The following TNRC6B variants were observed in gnomAD, a reference collection of about 807,000 sequenced individuals.
The protein encoded by TNRC6B is trinucleotide repeat containing adaptor 6B, also known as trinucleotide repeat-containing gene 6B protein.
In TNRC6B, 52 loss-of-function variants were observed where a neutral mutation model predicts 203.6. The ratio of observed to expected loss-of-function variants is 0.26; its 90% CI spans 0.20 to 0.32. The LOEUF is 0.32. TNRC6B is among the 10% of genes least tolerant of loss of function. The pLI, the probability that TNRC6B is intolerant of heterozygous loss-of-function variation, is 1.00. For missense variants in TNRC6B, 1,923 were observed against 2,286.2 expected (o/e 0.84, Z 3.24); for synonymous variants, 838 against 845.7 (o/e 0.99, Z 0.16).
upstream of TNRC6B, among the ~76,000 whole-genome samples, chr22:40,175,043 A>G (rs929547856): frequency 1.3e-5 from 2 of 152,142 alleles, no homozygotes; most frequent in African/African-American, 4.8e-5. Context: ...TGCATAGAAA[A>G]GATGATGTGG....
At chr22:40,143,186 T>C (rs1463892144) in intron 3 of TNRC6B, among the ~76,000 whole-genome samples, 1 of 152,150 alleles carries the variant, frequency 6.6e-6, no homozygotes, top group Non-Finnish European at 1.5e-5. Flanking sequence ...TCCCAGCATT[T>C]TGGGAGGCCG....
intron 5 of TNRC6B, among the ~76,000 whole-genome samples, 169 bp from the exon 6 acceptor site, chr22:40,269,953 G>A (rs186546203): frequency 1.3e-5 from 2 of 151,388 alleles, no homozygotes; most frequent in African/African-American, 4.8e-5. Flanking sequence ...AATGTGCATC[G>A]GATTTTTTAA....
At chr22:40,050,010 AT>A (rs372384652) in intron 1 of TNRC6B, among the ~76,000 whole-genome samples, 4 of 152,270 alleles carry the variant, frequency 2.6e-5, no homozygotes, top group African/African-American at 9.6e-5. Context: ...TTATTCTATA[AT>A]TTATAATTAT....
Position 40,170,310 on chromosome 22 carries a change from ATTT to A in TNRC6B, c.113+14130_113+14132del, listed in dbSNP as rs1194604951. Among the ~76,000 whole-genome samples the A allele has an allele frequency of 5.2e-4, 57 of 110,052 alleles. 1 individual carries two copies. Among genetic ancestry groups the A allele is most frequent in the African/African-American group, 2.1e-3 (55 of 25,740 alleles). 72.2% of individuals were successfully genotyped at this position (110,052 alleles called of 152,430 possible). On this transcript the variant is annotated intron_variant, in intron 4 of 23. Coordinates refer to the TNRC6B transcript ENST00000301923. ...AAAAAAATATATATATATAATATAT[ATTT>A]TATATATATTATATATATTATATAT...
chr22:40,122,333 A>T (rs1206387440), intron 2 of TNRC6B, among the ~76,000 whole-genome samples: 1 of 152,134 alleles, frequency 6.6e-6, no homozygotes, highest in East Asian at 1.9e-4. Context: ...CACTGCTATT[A>T]TGTGTGCCAC....
At chr22:40,060,232 T>A (rs1161335037) in intron 1 of TNRC6B, among the ~76,000 whole-genome samples, 1 of 151,650 alleles carries the variant, frequency 6.6e-6, no homozygotes. Context: ...TATTTTTTTA[T>A]TTTTTTGACA....
chr22:40,074,813 C>T (rs1036030353), intron 1 of TNRC6B, among the ~76,000 whole-genome samples: 5 of 151,488 alleles, frequency 3.3e-5, no homozygotes, highest in African/African-American at 1.2e-4. Flanking sequence ...AGAAAATTAG[C>T]TGGGCATGGT....
At chr22:40,226,456 C>T (rs926362279) in intron 1 of TNRC6B, among the ~76,000 whole-genome samples, 1 of 152,148 alleles carries the variant, frequency 6.6e-6, no homozygotes, top group African/African-American at 2.4e-5. Flanking sequence ...GCCGTCAGAT[C>T]ACTTGTTTGC....
chr22:40,315,880 C>T (rs933563190), intron 20 of TNRC6B, 62 bp from the exon 21 acceptor site: 2 of 1,300,288 alleles, frequency 1.5e-6, no homozygotes, highest in Non-Finnish European at 2.2e-6. Flanking sequence ...ATCTTTCTCC[C>T]TCATGGCTTT....
intron 1 of TNRC6B, among the ~76,000 whole-genome samples, chr22:40,187,077 A>C (rs1192314581): frequency 6.6e-6 from 1 of 152,264 alleles, no homozygotes; most frequent in African/African-American, 2.4e-5. Flanking sequence ...TTTTAAATTT[A>C]AATTAATTAA....
At chr22:40,274,673 G>A (rs1008173695) in intron 7 of TNRC6B, among the ~76,000 whole-genome samples, 2 of 152,094 alleles carry the variant, frequency 1.3e-5, no homozygotes, top group South Asian at 2.1e-4. Context: ...CGTCCACCTC[G>A]GCCTCCCAAA....
chr22:40,301,394 G>A (rs990360319), intron 15 of TNRC6B, 61 bp downstream of exon 15: 3 of 1,529,680 alleles, frequency 2.0e-6, no homozygotes, highest in African/African-American at 2.7e-5. Flanking sequence ...CCTGTGGTAG[G>A]GGTTGCACCT....
intron 1 of TNRC6B, among the ~76,000 whole-genome samples, chr22:40,079,153 T>C (rs1405869232): frequency 6.6e-6 from 1 of 152,038 alleles, no homozygotes; most frequent in East Asian, 1.9e-4. Flanking sequence ...ACTCAAATGA[T>C]CTGCCTGCAT....
At chr22:40,210,157 C>G (rs994931932) in intron 1 of TNRC6B, among the ~76,000 whole-genome samples, 1 of 152,178 alleles carries the variant, frequency 6.6e-6, no homozygotes, top group African/African-American at 2.4e-5. Context: ...CCCCCAACCC[C>G]CAGGCTGCTA....
chr22:40,291,628 A>G (rs2070870527), intron 12 of TNRC6B, among the ~76,000 whole-genome samples: 1 of 152,172 alleles, frequency 6.6e-6, no homozygotes, highest in South Asian at 2.1e-4. Context: ...GATCATAATG[A>G]TGTTTCATCA....
intron 1 of TNRC6B, among the ~76,000 whole-genome samples, chr22:40,069,748 A>G (rs913407871): frequency 2.0e-5 from 3 of 151,986 alleles, no homozygotes; most frequent in African/African-American, 7.3e-5. Flanking sequence ...CGGCCTCCCA[A>G]AAGTGCTGGG....
At position 40,273,465 on chromosome 22, in the gene TNRC6B, G is replaced by C; in HGVS notation, c.3006G>C (p.Gly1002=). 1 of 1,610,180 alleles carries C rather than the reference G, an allele frequency of 6.2e-7. No individual in the cohort carries two copies. Among genetic ancestry groups the C allele is most frequent in the Non-Finnish European group, 8.5e-7 (1 of 1,178,294 alleles). The change falls in exon 7 of 23, where the codon GGG becomes GGC. Residue 1002 remains glycine, a synonymous_variant. Transcript: ENST00000454349. The part of the protein sequence containing the change: ...SMQDGWGESD[G]PVTGARHPSW... ...AAGACGGCTGGGGGGAGAGTGACGG[G>C]CCAGTCACAGGAGCTCGCCATCCCA...
rs571079129 is a variant in TNRC6B, at chr22:40,142,250, G to T, written c.46-13865G>T. 5.3e-5 allele frequency among the ~76,000 whole-genome samples: 8 copies of T among 150,496 alleles called. No homozygotes were observed. In the East Asian group the frequency reaches 1.6e-3, roughly 29 times the overall value. ...ATTTTTTTTTTTTTTTTTTAAGAGA[G>T]GGGTCTCCACTATGTTGCCCAGGCT... On this transcript the variant is annotated intron_variant, in intron 3 of 23. Transcript: ENST00000301923.
At chr22:40,110,786 A>G (rs1292197080) in intron 1 of TNRC6B, among the ~76,000 whole-genome samples, 1 of 152,202 alleles carries the variant, frequency 6.6e-6, no homozygotes, top group African/African-American at 2.4e-5. Context: ...AAGTCTGGGG[A>G]TGCTGTGCAA....
Sources: allele counts gnomAD v4.1 joint callset (sites outside exome capture counted in the v4.1 genomes callset), GRCh38; gene constraint gnomAD v4.1.1; transcripts MANE v1.5; gene names NCBI Gene and HGNC (gene_info 2026-07-23, HGNC 2026-07-21).